ST6GALNAC1: variants seen among roughly 807,000 people sequenced by gnomAD.
ST6GALNAC1 encodes the protein alpha-N-acetylgalactosaminide alpha-2,6-sialyltransferase 1.
In ST6GALNAC1, 45 loss-of-function variants were observed where a neutral mutation model predicts 56.8. The observed-to-expected ratio is 0.79, with a 90% CI of 0.62 to 1.02. The LOEUF is 1.02. ST6GALNAC1 is among the 50% of genes least tolerant of loss of function. ST6GALNAC1 has a pLI of 0.00. For missense variants in ST6GALNAC1, 743 were observed against 754.8 expected, an observed-to-expected ratio of 0.98 and a Z score of 0.18; for synonymous variants, 295 against 297.8, an observed-to-expected ratio of 0.99 and a Z score of 0.10.
intron 1 of ST6GALNAC1, chr17:76,641,717 A>T (rs2076050337): frequency 6.6e-6 from 1 of 152,166 alleles, no homozygotes; most frequent in South Asian, 2.1e-4. Context: ...TGGCAATTCC[A>T]CTTCAAGAAA....
chr17:76,636,715 C>G (rs2143473390), intron 1 of ST6GALNAC1, among the ~76,000 whole-genome samples: 1 of 152,196 alleles, frequency 6.6e-6, no homozygotes, highest in South Asian at 2.1e-4. Context: ...TGACCGCCGC[C>G]CCGTCTGGGA....
chr17:76,638,480 G>T (rs980518517), intron 1 of ST6GALNAC1, among the ~76,000 whole-genome samples: 2 of 151,868 alleles, frequency 1.3e-5, no homozygotes, highest in Admixed American at 6.6e-5. Context: ...GAGTTCAAGC[G>T]ATTCTCCTGT....
At chr17:76,640,099 T>C (rs2076030236) in intron 1 of ST6GALNAC1, among the ~76,000 whole-genome samples, 1 of 152,106 alleles carries the variant, frequency 6.6e-6, no homozygotes, top group Admixed American at 6.6e-5. Context: ...CTTTCTAGGA[T>C]CACGTCTCCC....
At chr17:76,619,880 AT>A (rs769332152), downstream of ST6GALNAC1, among the ~76,000 whole-genome samples, 118 of 150,362 alleles carry the variant, frequency 7.8e-4, 1 homozygote, top group Non-Finnish European at 7.4e-4. Flanking sequence ...AGTAGCTGGG[AT>A]TACAGGCATG....
chr17:76,636,367 C>T (rs1280178676), intron 1 of ST6GALNAC1, among the ~76,000 whole-genome samples: 3 of 152,088 alleles, frequency 2.0e-5, no homozygotes, highest in Non-Finnish European at 2.9e-5. Context: ...TGTCCTTCCC[C>T]TGGAAAGATC....
At position 76,640,161 on chromosome 17, in the gene ST6GALNAC1, C is replaced by A. The variant is rs756456859; in HGVS notation, c.131+3347G>T. ...CCAAACACTGTTCTGGAGTGAGTGTCCCATTATTGCTCCGGCAGGTAACTG... is the reference window on the plus strand; with the variant it reads ...CCAAACACTGTTCTGGAGTGAGTGTACCATTATTGCTCCGGCAGGTAACTG... On this transcript the variant is annotated intron_variant, in intron 1 of 8. Coordinates refer to ENST00000156626, the MANE Select transcript of ST6GALNAC1 (RefSeq NM_018414.5). Among the ~76,000 whole-genome samples, 54 of 152,238 alleles carry A rather than the reference C, an allele frequency of 3.5e-4. 1 individual carries two copies. The highest frequency in any genetic ancestry group is 6.0e-4 in the Non-Finnish European group (41 of 68,010).
chr17:76,618,408 CAA>C, the ST6GALNAC1 span, among the ~76,000 whole-genome samples: 4 of 152,096 alleles, frequency 2.6e-5, no homozygotes, highest in Non-Finnish European at 4.4e-5. Flanking sequence ...ACAGAAAAAA[CAA>C]TTTATCAATA....
At chr17:76,630,750 CTT>C (rs764956961) in intron 1 of ST6GALNAC1, among the ~76,000 whole-genome samples, 3 of 142,288 alleles carry the variant, frequency 2.1e-5, no homozygotes, top group Admixed American at 7.0e-5. Flanking sequence ...ACGCCTGGCT[CTT>C]TTTTTTTTTT....
Position 76,637,272 on chromosome 17 carries a change from TAAAAAAAAAAAAAA to T in ST6GALNAC1, c.131+6222_131+6235del, listed in dbSNP as rs771644279. 1.1e-4 allele frequency among the ~76,000 whole-genome samples: 2 copies of T among 18,168 alleles called. 1 individual carries two copies. The highest frequency in any genetic ancestry group is 8.5e-3 in the South Asian group (2 of 234). The allele number at this position is 18,168 out of a possible 152,430, so 11.9% of individuals were successfully genotyped here. A position where few individuals can be genotyped will look rare whatever the true frequency, so the allele number is the denominator to read the frequency against. ...ACACCCAAGAATGATCAATAAATAC[TAAAAAAAAAAAAAA>T]AAAAAAAAAAAGATTCCCATCACAC... On this transcript the variant is annotated intron_variant, in intron 1 of 8. Transcript: ENST00000156626.
chr17:76,632,997 G>A (rs2075926045), intron 1 of ST6GALNAC1, among the ~76,000 whole-genome samples: 1 of 152,158 alleles, frequency 6.6e-6, no homozygotes, highest in Non-Finnish European at 1.5e-5. Flanking sequence ...CCTGAGGTCA[G>A]GAGTTCAAGA....
chr17:76,617,524 G>A, the ST6GALNAC1 span, among the ~76,000 whole-genome samples: 2 of 152,148 alleles, frequency 1.3e-5, no homozygotes, highest in African/African-American at 2.4e-5. Flanking sequence ...ATAGGATTTG[G>A]GGAAGGATGG....
chr17:76,639,638 AACACAC>A (rs55706272), intron 1 of ST6GALNAC1, among the ~76,000 whole-genome samples: 3,350 of 125,094 alleles, frequency 0.027, 77 homozygotes, highest in South Asian at 0.054. Flanking sequence ...TTACATGATA[AACACAC>A]ACACACACAC....
the ST6GALNAC1 span, among the ~76,000 whole-genome samples, chr17:76,618,698 T>G: frequency 6.6e-6 from 1 of 151,996 alleles, no homozygotes; most frequent in African/African-American, 2.4e-5. Context: ...GGAGAATCGC[T>G]TGAGCCCAGG....
Position 76,643,128 on chromosome 17 carries a change from C to T in ST6GALNAC1, c.131+380G>A, listed in dbSNP as rs1030791888. ...AGTGGAACACACAGCATGGCTCTTT[C>T]GCTTCAGGACGTAGAGAATGGCATG... On this transcript the variant is annotated intron_variant, in intron 1 of 8. Coordinates refer to ENST00000156626, the MANE Select transcript of ST6GALNAC1 (RefSeq NM_018414.5). 3.3e-5 allele frequency among the ~76,000 whole-genome samples: 5 copies of T among 152,140 alleles called. No homozygotes were observed. The East Asian group carries it at 5.8e-4, about 18-fold the overall frequency.
chr17:76,631,065 CTGTGTG>C (rs34663902), intron 1 of ST6GALNAC1, among the ~76,000 whole-genome samples: 54,153 of 146,716 alleles, frequency 0.37, 10,093 homozygotes, highest in East Asian at 0.56. Flanking sequence ...CAGCTAATCT[CTGTGTG>C]TGTGTGTGTG....
chr17:76,623,401 G>C (rs1366228799), downstream of ST6GALNAC1, among the ~76,000 whole-genome samples: 1 of 152,044 alleles, frequency 6.6e-6, no homozygotes, highest in Non-Finnish European at 1.5e-5. Context: ...AAAATGTTTT[G>C]GCATTTTACT....
chr17:76,639,871 C>A (rs2076026187), intron 1 of ST6GALNAC1, among the ~76,000 whole-genome samples: 2 of 151,938 alleles, frequency 1.3e-5, no homozygotes, highest in African/African-American at 2.4e-5. Context: ...ACTGAGAAAA[C>A]TCCTCTTTTT....
At chr17:76,636,820 G>A (rs866745114) in intron 1 of ST6GALNAC1, among the ~76,000 whole-genome samples, 7 of 152,078 alleles carry the variant, frequency 4.6e-5, no homozygotes, top group South Asian at 2.1e-4. Context: ...CGGTTTTGTC[G>A]AATAGAAAAG....
At position 76,627,686 on chromosome 17, in the gene ST6GALNAC1, G is replaced by A. The variant is rs1311131933; in HGVS notation, c.832-103C>T. 1.1e-5 allele frequency: 11 copies of A among 1,044,572 alleles called. No individual in the cohort carries two copies. Among genetic ancestry groups the A allele is most frequent in the African/African-American group, 4.8e-5 (3 of 62,870 alleles). The allele number at this position is 1,044,572 out of a possible 1,614,324, so 64.7% of individuals were successfully genotyped here. A position where few individuals can be genotyped will look rare whatever the true frequency, so the allele number is the denominator to read the frequency against. ...GGCTGGGGCTCGCAGTTTGGAAGGC[G>A]CGGCCTCTGCTACCTCTTCCATTCT... On this transcript the variant is annotated intron_variant, in intron 2 of 8. Coordinates refer to ENST00000156626, the MANE Select transcript of ST6GALNAC1 (RefSeq NM_018414.5). The surrounding 1 kb of genome is among the most constrained non-coding windows in gnomAD (Gnocchi z 4.4).
Sources: allele counts gnomAD v4.1 joint callset (sites outside exome capture counted in the v4.1 genomes callset), GRCh38; gene constraint gnomAD v4.1.1; non-coding constraint Gnocchi (gnomAD v3.1); transcripts MANE v1.5; gene names NCBI Gene and HGNC (gene_info 2026-07-23, HGNC 2026-07-21).